SYNPR: variants seen among roughly 807,000 people sequenced by gnomAD.
SYNPR encodes the protein synaptoporin.
A neutral mutation model predicts 32.9 loss-of-function variants in SYNPR; 23 were observed. The ratio of observed to expected loss-of-function variants is 0.70; its 90% CI spans 0.50 to 0.99. The LOEUF is 0.99. Ranked by LOEUF, SYNPR falls within the 50% of genes least tolerant of loss-of-function variation. SYNPR has a pLI of 0.00. For synonymous variants in SYNPR, 146 were observed against 135.9 expected (o/e 1.07, Z -0.52); for missense variants, 318 against 349.3 (o/e 0.91, Z 0.71).
intron 4 of SYNPR, among the ~76,000 whole-genome samples, chr3:63,578,085 G>T (rs749035812): frequency 6.6e-6 from 1 of 152,098 alleles, no homozygotes; most frequent in African/African-American, 2.4e-5. Flanking sequence ...TCCTAGAAGC[G>T]AAGTGTTTTT....
At chr3:63,259,682 C>T (rs1294282706) in intron 2 of SYNPR, among the ~76,000 whole-genome samples, 1 of 152,212 alleles carries the variant, frequency 6.6e-6, no homozygotes, top group East Asian at 1.9e-4. Flanking sequence ...GATGCCCTCT[C>T]TCACCACTCC....
At chr3:63,469,167 A>C (rs998431449) in intron 2 of SYNPR, among the ~76,000 whole-genome samples, 1 of 152,132 alleles carries the variant, frequency 6.6e-6, no homozygotes, top group East Asian at 1.9e-4. Context: ...AACGCTGCAC[A>C]TGGCAATCTG....
chr3:63,491,358 A>G (rs1701254424), intron 3 of SYNPR, among the ~76,000 whole-genome samples: 1 of 152,044 alleles, frequency 6.6e-6, no homozygotes, highest in South Asian at 2.1e-4. Context: ...AAGGGTCCTT[A>G]AGGCAATCTG....
intron 2 of SYNPR, among the ~76,000 whole-genome samples, chr3:63,437,159 G>A (rs1700099725): frequency 1.3e-5 from 2 of 152,184 alleles, no homozygotes; most frequent in African/African-American, 4.8e-5. Context: ...TTAGACATGA[G>A]CCACCGTGCC....
intron 3 of SYNPR, among the ~76,000 whole-genome samples, chr3:63,489,642 T>C (rs1701220884): frequency 6.6e-6 from 1 of 152,216 alleles, no homozygotes; most frequent in African/African-American, 2.4e-5. Context: ...TAGACACGAC[T>C]GCTTCCCTCA....
rs1397259149 is a variant in SYNPR, at chr3:63,280,148, A to C, written c.84+1406A>C. On this transcript the variant is annotated intron_variant, in intron 2 of 5. Transcript: ENST00000478300. Reference sequence around the variant, plus strand: ...AAGAGCTGACATCATTTTCTGACATAATCTCTTATTGTCTCACACGCTCAC... The same window carrying C: ...AAGAGCTGACATCATTTTCTGACATCATCTCTTATTGTCTCACACGCTCAC... Among the ~76,000 whole-genome samples, 5 of 152,182 alleles carry C rather than the reference A, an allele frequency of 3.3e-5. No homozygotes were observed. The East Asian group carries it at 9.6e-4, about 29-fold the overall frequency.
intron 2 of SYNPR, among the ~76,000 whole-genome samples, chr3:63,415,123 C>T (rs764943292): frequency 6.6e-6 from 1 of 152,106 alleles, no homozygotes; most frequent in Non-Finnish European, 1.5e-5. Context: ...TTTATGAATT[C>T]TTTTCCTACT....
At chr3:63,361,655 T>C (rs1420037757) in intron 2 of SYNPR, among the ~76,000 whole-genome samples, 1 of 151,290 alleles carries the variant, frequency 6.6e-6, no homozygotes, top group East Asian at 1.9e-4. Context: ...AGGTGTTCAG[T>C]TTATATTACC....
chr3:63,220,762 T>C, the SYNPR span, among the ~76,000 whole-genome samples: 1 of 152,194 alleles, frequency 6.6e-6, no homozygotes, highest in African/African-American at 2.4e-5. Context: ...TTCAGATACC[T>C]GAATTTCAGC....
chr3:63,551,990 C>T (rs995307218), intron 3 of SYNPR, among the ~76,000 whole-genome samples: 5 of 151,978 alleles, frequency 3.3e-5, no homozygotes, highest in South Asian at 2.1e-4. Context: ...CTCTGCCTCC[C>T]GGGTTCAAGT....
At chr3:63,412,990 T>C (rs1264637980) in intron 2 of SYNPR, among the ~76,000 whole-genome samples, 2 of 152,194 alleles carry the variant, frequency 1.3e-5, no homozygotes, top group Non-Finnish European at 2.9e-5. Flanking sequence ...GGATTTTATG[T>C]TTATTGGTGC....
At chr3:63,434,022 A>T (rs140283331) in intron 2 of SYNPR, among the ~76,000 whole-genome samples, 5 of 152,268 alleles carry the variant, frequency 3.3e-5, no homozygotes, top group Admixed American at 6.5e-5. Flanking sequence ...GAGTGCTTTC[A>T]GATGGAATCT....
chr3:63,519,020 A>G (rs1264258316), intron 3 of SYNPR, among the ~76,000 whole-genome samples: 3 of 152,180 alleles, frequency 2.0e-5, no homozygotes, highest in Non-Finnish European at 4.4e-5. Context: ...TGAAATAATC[A>G]TGCAGTTTTT....
chr3:63,454,197 C>G (rs1187494587), intron 2 of SYNPR, among the ~76,000 whole-genome samples: 1 of 151,938 alleles, frequency 6.6e-6, no homozygotes, highest in Non-Finnish European at 1.5e-5. Flanking sequence ...AAATACAAAT[C>G]AGGTAAAGGG....
intron 2 of SYNPR, among the ~76,000 whole-genome samples, chr3:63,398,517 G>A (rs569194367): frequency 8.6e-5 from 13 of 151,822 alleles, no homozygotes; most frequent in South Asian, 6.2e-4. Flanking sequence ...TCAGGAGATC[G>A]AGACCATGGT....
At chr3:63,278,873 T>A in intron 2 of SYNPR, 131 bp downstream of exon 2, 1 of 1,046,026 alleles carries the variant, frequency 9.6e-7, no homozygotes, top group Non-Finnish European at 1.4e-6. Flanking sequence ...GGGATTTCAA[T>A]CCTGCCCCCT....
chr3:63,279,855 C>A (rs2086612041), intron 2 of SYNPR, among the ~76,000 whole-genome samples: 1 of 152,128 alleles, frequency 6.6e-6, no homozygotes, highest in African/African-American at 2.4e-5. Context: ...AAAATGTATG[C>A]GTATATCAAT....
intron 2 of SYNPR, among the ~76,000 whole-genome samples, chr3:63,309,888 TGTGTGTATA>T (rs2086946076): frequency 6.6e-6 from 1 of 152,026 alleles, no homozygotes; most frequent in East Asian, 1.9e-4. Flanking sequence ...GCATATGCAT[TGTGTGTATA>T]ACACAAATAA....
At chr3:63,456,629 G>A (rs1700487933) in intron 2 of SYNPR, among the ~76,000 whole-genome samples, 1 of 152,098 alleles carries the variant, frequency 6.6e-6, no homozygotes, top group Admixed American at 6.6e-5. Flanking sequence ...TAAGAGTGTG[G>A]AACTAGGAAG....
Sources: gnomAD v4.1 joint callset for allele counts (sites outside exome capture counted in the v4.1 genomes callset) on GRCh38, gnomAD v4.1.1 for gene constraint, MANE v1.5 for transcripts, NCBI Gene and HGNC (gene_info 2026-07-23, HGNC 2026-07-21) for gene names.